PCDH9: variants seen among roughly 807,000 people sequenced by gnomAD.
The protein encoded by PCDH9 is protocadherin 9.
A neutral mutation model predicts 70.6 loss-of-function variants in PCDH9; 24 were observed. The observed-to-expected ratio is 0.34, with a 90% confidence interval of 0.25 to 0.48. The LOEUF (loss-of-function observed/expected upper bound fraction) is 0.48. Among genes scored for constraint, PCDH9 ranks in the 20% least tolerant of loss-of-function variants. The pLI is 0.99. For missense variants in PCDH9, 1,281 were observed against 1,503.6 expected (o/e 0.85, Z 2.45); for synonymous variants, 562 against 558.5 (o/e 1.01, Z -0.09).
chr13:66,950,558 T>C (rs891468083), intron 2 of PCDH9, among the ~76,000 whole-genome samples: 5 of 152,102 alleles, frequency 3.3e-5, no homozygotes, highest in African/African-American at 1.2e-4. Context: ...GAAAATATTG[T>C]TTTCTCTTTG....
chr13:66,386,026 T>C (rs1956923181), intron 4 of PCDH9, among the ~76,000 whole-genome samples: 1 of 152,132 alleles, frequency 6.6e-6, no homozygotes, highest in Admixed American at 6.5e-5. Flanking sequence ...AAAAAGTATC[T>C]TTTAGCTAGA....
Position 66,490,776 on chromosome 13 carries a change from T to C in PCDH9, c.3340+140434A>G, listed in dbSNP as rs186728368. ...AAAAAAAATTCCTGATGCAAAAAAC[T>C]ATGAGCAAAGCTAAACAATTAAAAT... On this transcript the variant is annotated intron_variant, in intron 4 of 4. Coordinates refer to ENST00000377865, the MANE Select transcript of PCDH9 (RefSeq NM_203487.3). 8.9e-4 allele frequency among the ~76,000 whole-genome samples: 136 copies of C among 152,264 alleles called. 2 individuals carry two copies. The highest frequency in any genetic ancestry group is 3.2e-3 in the African/African-American group (133 of 41,564).
intron 4 of PCDH9, among the ~76,000 whole-genome samples, chr13:66,481,426 G>A (rs531529313): frequency 3.9e-5 from 6 of 152,120 alleles, no homozygotes; most frequent in Middle Eastern, 3.4e-3. Flanking sequence ...ACTTGCCAAA[G>A]GTTCAGATGA....
intron 3 of PCDH9, among the ~76,000 whole-genome samples, chr13:66,687,261 A>G (rs1160869777): frequency 1.3e-5 from 2 of 152,160 alleles, no homozygotes; most frequent in African/African-American, 4.8e-5. Flanking sequence ...TTTTTGTGAC[A>G]AGATTTTTTT....
intron 3 of PCDH9, among the ~76,000 whole-genome samples, chr13:66,862,512 C>T (rs2081501785): frequency 6.6e-6 from 1 of 152,196 alleles, no homozygotes; most frequent in Non-Finnish European, 1.5e-5. Flanking sequence ...TATTCTTCTG[C>T]TGTGTAGACA....
rs2077117528 is a variant in PCDH9 at position 66,597,495 on chromosome 13, A to G, written c.3340+33715T>C. ...ACAATGGGGAAAGGATAGTCCCTTC[A>G]ACAAATGGTGCTGGGAAGACTGGAC... On this transcript the variant is annotated intron_variant, in intron 4 of 4. Transcript: ENST00000377865. Among the ~76,000 whole-genome samples, 4 of 151,804 alleles carry G rather than the reference A, an allele frequency of 2.6e-5. No homozygotes were observed. The South Asian group carries it at 8.3e-4, about 31-fold the overall frequency.
In PCDH9 at chr13:66,306,593, T is replaced by C. The variant is rs529318974; in HGVS notation, c.3341-1565A>G. On this transcript the variant is annotated intron_variant, in intron 4 of 4. Coordinates refer to ENST00000377865, the MANE Select transcript of PCDH9 (RefSeq NM_203487.3). ...CTAGATGTGAAAAAAGGGGCTGAAA[T>C]GCACTATTTCATATAAACTCAAAGT... Among the ~76,000 whole-genome samples the C allele has an allele frequency of 6.6e-5, 10 of 151,638 alleles. 1 individual carries two copies. The Admixed American group carries it at 6.6e-4, about 10-fold the overall frequency.
intron 4 of PCDH9, among the ~76,000 whole-genome samples, chr13:66,544,257 C>T (rs1269206053): frequency 6.6e-6 from 1 of 152,084 alleles, no homozygotes; most frequent in African/African-American, 2.4e-5. Context: ...TCATAATGAA[C>T]CTTTACCTGT....
Position 66,890,161 on chromosome 13 carries a change from A to T in PCDH9, c.3138+13343T>A, listed in dbSNP as rs2139563948. On this transcript the variant is annotated intron_variant, in intron 3 of 4. Transcript: ENST00000377865. ...TTAGATGTTCTCTACATGGAAAAGA[A>T]AAAATTCATTCTCTAGGGTGATAAT... Among the ~76,000 whole-genome samples the T allele has an allele frequency of 2.0e-5, 3 of 152,256 alleles. 1 individual carries two copies. The South Asian group carries it at 6.2e-4, about 32-fold the overall frequency.
At chr13:66,537,608 T>G (rs1032762228) in intron 4 of PCDH9, among the ~76,000 whole-genome samples, 2 of 151,994 alleles carry the variant, frequency 1.3e-5, no homozygotes, top group Non-Finnish European at 2.9e-5. Context: ...GGGAGATATG[T>G]GGGGTAATGA....
intron 4 of PCDH9, among the ~76,000 whole-genome samples, chr13:66,420,554 G>T (rs1445231435): frequency 6.6e-6 from 1 of 152,150 alleles, no homozygotes; most frequent in African/African-American, 2.4e-5. Flanking sequence ...GCATGGAGTG[G>T]ACCCCCAGCT....
chr13:66,872,516 A>T (rs754836297), intron 3 of PCDH9, among the ~76,000 whole-genome samples: 1 of 152,150 alleles, frequency 6.6e-6, no homozygotes, highest in Admixed American at 6.5e-5. Context: ...GAAAAGGAGC[A>T]TAGTAAGTTA....
In PCDH9 at chr13:66,816,765, C is replaced by T. The variant is rs369744810; in HGVS notation, c.3138+86739G>A. On this transcript the variant is annotated intron_variant, in intron 3 of 4. Transcript: ENST00000377865. ...TAAAATCCCGTCTCTACTAAAAATACAAAAAGTAGCCGGGCGCAGTGGCAT... is the reference window on the plus strand; with the variant it reads ...TAAAATCCCGTCTCTACTAAAAATATAAAAAGTAGCCGGGCGCAGTGGCAT... 2.0e-5 allele frequency among the ~76,000 whole-genome samples: 3 copies of T among 151,966 alleles called. No homozygotes were observed. In the East Asian group the frequency reaches 5.8e-4, roughly 29 times the overall value.
intron 3 of PCDH9, among the ~76,000 whole-genome samples, chr13:66,659,636 C>T (rs369949716): frequency 1.5e-4 from 22 of 151,260 alleles, no homozygotes; most frequent in African/African-American, 5.1e-4. Context: ...TTTTACATCA[C>T]GTGAATCCTG....
chr13:66,346,864 C>T (rs1956219518), intron 4 of PCDH9, among the ~76,000 whole-genome samples: 1 of 152,258 alleles, frequency 6.6e-6, no homozygotes, highest in South Asian at 2.1e-4. Context: ...ATTACAAACA[C>T]TCTAAGTATT....
At chr13:66,544,543 T>C (rs1291992399) in intron 4 of PCDH9, among the ~76,000 whole-genome samples, 2 of 152,170 alleles carry the variant, frequency 1.3e-5, no homozygotes, top group African/African-American at 2.4e-5. Flanking sequence ...TTGAATGATA[T>C]TGCTTCTAGT....
intron 3 of PCDH9, among the ~76,000 whole-genome samples, chr13:66,686,665 T>C (rs1198413764): frequency 3.3e-5 from 5 of 152,178 alleles, no homozygotes; most frequent in Non-Finnish European, 7.4e-5. Flanking sequence ...AGTCTAACCA[T>C]TTTTTACTTC....
chr13:67,067,378 ATGTAATCTATAT>A (rs2085668311), intron 2 of PCDH9, among the ~76,000 whole-genome samples: 1 of 152,136 alleles, frequency 6.6e-6, no homozygotes, highest in Non-Finnish European at 1.5e-5. Context: ...TCATTTTGAT[ATGTAATCTATAT>A]AACATATTAT....
chr13:66,304,996 C>G lies in PCDH9; in HGVS notation c.3373G>C (p.Ala1125Pro), dbSNP rs1455204760. 2.5e-6 allele frequency: 4 copies of G among 1,612,146 alleles called. No individual in the cohort carries two copies. In the Admixed American group the frequency reaches 6.7e-5, roughly 27 times the overall value. ...CACTCTTGAGTGCACATCTCTGTAG[C>G]TTCAGCTAATCCTCGGGGACCCAAA... Reference protein sequence around the residue: ...GPLGPRGLAEATEMCTQECLV... With the variant: ...GPLGPRGLAEPTEMCTQECLV... The change falls in exon 5 of 5, where the codon GCT becomes CCT. Residue 1125 changes from alanine (A) to proline (P), a missense_variant. By Grantham distance (27) the Ala-to-Pro change is conservative (BLOSUM62 -1). This residue lies in a region of PCDH9 where 264 missense variants were observed against 278.8 expected (regional missense o/e 0.95). Transcript: ENST00000377865.
Sources: allele counts gnomAD v4.1 joint callset (sites outside exome capture counted in the v4.1 genomes callset), GRCh38; gene constraint gnomAD v4.1.1; regional missense constraint gnomAD v4.1.1; transcripts MANE v1.5; gene names NCBI Gene and HGNC (gene_info 2026-07-23, HGNC 2026-07-21).